Variants in PDCD4 observed in about 807,000 individuals in gnomAD.
The protein encoded by PDCD4 is programmed cell death 4, also known as programmed cell death protein 4.
PDCD4 carries 56 observed loss-of-function variants against 54.0 expected under a neutral mutation model. That is an observed-to-expected ratio of 1.04 (90% CI 0.84 to 1.30). The LOEUF (loss-of-function observed/expected upper bound fraction) is 1.30, where lower values mean the gene tolerates loss of function less well. PDCD4 is among the 50% of genes most tolerant of loss of function. PDCD4 has a pLI of 0.00. For synonymous variants in PDCD4, 186 were observed against 194.8 expected, an observed-to-expected ratio of 0.95 and a Z score of 0.37; for missense variants, 584 against 559.8, an observed-to-expected ratio of 1.04 and a Z score of -0.44.
In PDCD4 at chr10:110,875,951, C is replaced by G. The variant is rs1845497311; in HGVS notation, c.-62-15C>G. The G allele has an allele frequency of 1.7e-6, 2 of 1,166,910 alleles. No homozygotes were observed. Among genetic ancestry groups the G allele is most frequent in the African/African-American group, 1.6e-5 (1 of 62,150 alleles). 72.3% of individuals were successfully genotyped at this position (1,166,910 alleles called of 1,614,324 possible). A position where few individuals can be genotyped will look rare whatever the true frequency, so the allele number is the denominator to read the frequency against. ...AAAGATCTTGAAGCTTTCTTTTTTTCTTTTAAAAAAACAGATTCTGAAGGA... is the reference window on the plus strand; with the variant it reads ...AAAGATCTTGAAGCTTTCTTTTTTTGTTTTAAAAAAACAGATTCTGAAGGA... On this transcript the variant is annotated splice_polypyrimidine_tract_variant and intron_variant, in intron 1 of 11. Coordinates refer to ENST00000280154, the MANE Select transcript of PDCD4 (RefSeq NM_014456.5).
chr10:110,874,797 A>G (rs1382896301), intron 1 of PDCD4, among the ~76,000 whole-genome samples: 3 of 152,166 alleles, frequency 2.0e-5, no homozygotes, highest in African/African-American at 4.8e-5. Flanking sequence ...GTACATAATG[A>G]GGAATTTAAA....
chr10:110,894,934 A>G (rs1845809206), intron 10 of PDCD4, among the ~76,000 whole-genome samples: 1 of 151,802 alleles, frequency 6.6e-6, no homozygotes, highest in Admixed American at 6.6e-5. Context: ...TATTTTTTTA[A>G]AAAGGTAGTA....
chr10:110,881,166 C>G, intron 2 of PDCD4, 67 bp from the exon 3 acceptor site: 1 of 1,169,436 alleles, frequency 8.6e-7, no homozygotes. Context: ...TCTAACTTAC[C>G]ACTATATCTA....
intron 1 of PDCD4, among the ~76,000 whole-genome samples, chr10:110,874,967 G>C (rs1021511783): frequency 6.6e-5 from 10 of 151,978 alleles, no homozygotes; most frequent in Non-Finnish European, 8.8e-5. Context: ...TCTCTGAAGA[G>C]CACACTGCTA....
chr10:110,873,673 A>C (rs1052532922), intron 1 of PDCD4, among the ~76,000 whole-genome samples: 1 of 152,176 alleles, frequency 6.6e-6, no homozygotes, highest in African/African-American at 2.4e-5. Flanking sequence ...GTTTGGGCCA[A>C]TTAAGGGTTG....
chr10:110,885,971 G>T (rs1275494385), intron 5 of PDCD4, among the ~76,000 whole-genome samples: 1 of 152,168 alleles, frequency 6.6e-6, no homozygotes, highest in Non-Finnish European at 1.5e-5. Flanking sequence ...CTCTTTAGAA[G>T]ACTTTGATCA....
intron 2 of PDCD4, among the ~76,000 whole-genome samples, chr10:110,876,300 C>T (rs1845503508): frequency 6.6e-6 from 1 of 152,090 alleles, no homozygotes; most frequent in African/African-American, 2.4e-5. Context: ...CACTATGTTG[C>T]CTAGGCTGAA....
Position 110,890,675 on chromosome 10 carries a change from T to C in PDCD4, c.990+5T>C, listed in dbSNP as rs369669041. The C allele has an allele frequency of 6.5e-7, 1 of 1,533,922 alleles. No homozygotes were observed. Among genetic ancestry groups the C allele is most frequent in the Non-Finnish European group, 9.0e-7 (1 of 1,109,014 alleles). On this transcript the variant is annotated splice_donor_5th_base_variant and intron_variant, in intron 8 of 11. Transcript: ENST00000280154. Reference sequence around the variant, plus strand: ...GTCAATCACCTTGTTAAAGAGGTAATGATTGGGTATTGTTTTTAACTTAAT... The same window carrying C: ...GTCAATCACCTTGTTAAAGAGGTAACGATTGGGTATTGTTTTTAACTTAAT...
intron 4 of PDCD4, among the ~76,000 whole-genome samples, chr10:110,883,632 C>A (rs951239024): frequency 3.9e-5 from 6 of 152,062 alleles, no homozygotes; most frequent in Non-Finnish European, 8.8e-5. Flanking sequence ...AACTCATAGG[C>A]AGTCTTGTTT....
At chr10:110,875,869 C>T (rs1294940687) in intron 1 of PDCD4, 97 bp from the exon 2 acceptor site, 2 of 437,840 alleles carry the variant, frequency 4.6e-6, no homozygotes, top group Non-Finnish European at 4.0e-6. Context: ...TTGTTGTTGT[C>T]GTTTGTTTTT....
At chr10:110,897,541 TG>T (rs1329154964) in intron 11 of PDCD4, among the ~76,000 whole-genome samples, 1 of 152,222 alleles carries the variant, frequency 6.6e-6, no homozygotes, top group Non-Finnish European at 1.5e-5. Context: ...GGGCATAGGC[TG>T]TAATTCTGAT....
chr10:110,881,553 C>G lies in PDCD4; in HGVS notation c.346+18C>G. ...AAAGAAAGGTTGGTATATATCATGT[C>G]CAACAAATGGAAGATAAACAAGTGG... On this transcript the variant is annotated intron_variant, in intron 3 of 11. Transcript: ENST00000280154. 1.1e-5 allele frequency: 17 copies of G among 1,573,732 alleles called. No individual in the cohort carries two copies. Among genetic ancestry groups the G allele is most frequent in the Non-Finnish European group, 1.4e-5 (16 of 1,156,870 alleles).
intron 2 of PDCD4, among the ~76,000 whole-genome samples, chr10:110,877,232 A>G (rs1213294648): frequency 6.6e-6 from 1 of 152,222 alleles, no homozygotes; most frequent in East Asian, 1.9e-4. Flanking sequence ...TATTTTACAT[A>G]TAGGTAATTG....
In PDCD4 at chr10:110,885,311, CTT is replaced by C; in HGVS notation, c.502_503del (p.Leu168AsnfsTer9). On this transcript the variant is annotated frameshift_variant, in exon 5 of 12. Coordinates refer to ENST00000280154, the MANE Select transcript of PDCD4 (RefSeq NM_014456.5). LOFTEE classifies it high-confidence loss of function. ...TTGGATGAAAGGGCATTTGAGAAGA[CTT>C]TAACACCAATCATACAGGAATATTT... 1.9e-6 allele frequency: 3 copies of C among 1,601,296 alleles called. No homozygotes were observed. Among genetic ancestry groups the C allele is most frequent in the Non-Finnish European group, 2.6e-6 (3 of 1,170,354 alleles).
At position 110,881,586 on chromosome 10, in the gene PDCD4, TTGTC is replaced by T. The variant is rs762427345; in HGVS notation, c.346+54_346+57del. ...TGGAAGATAAACAAGTGGAAAAAAATTGTCTGGTTCTTGTACTACACTTTCCTTG... is the reference window on the plus strand; with the variant it reads ...TGGAAGATAAACAAGTGGAAAAAAATTGGTTCTTGTACTACACTTTCCTTG... On this transcript the variant is annotated intron_variant, in intron 3 of 11. Transcript: ENST00000280154. 6 of 1,498,170 alleles carry T rather than the reference TTGTC, an allele frequency of 4.0e-6. No homozygotes were observed. The East Asian group carries it at 1.1e-4, about 28-fold the overall frequency. 92.8% of individuals were successfully genotyped at this position (1,498,170 alleles called of 1,614,324 possible).
chr10:110,894,280 A>G, intron 9 of PDCD4, 82 bp downstream of exon 9: 1 of 929,918 alleles, frequency 1.1e-6, no homozygotes, highest in Middle Eastern at 2.1e-4. Context: ...TAAATAATGT[A>G]CATCCTTTTT....
At chr10:110,890,758 C>CAAAAATTAAGTTCGGTCTTACAGCTGCA (rs1845743082) in intron 8 of PDCD4, 88 bp downstream of exon 8, 1 of 706,012 alleles carries the variant, frequency 1.4e-6, no homozygotes, top group Non-Finnish European at 2.2e-6. Flanking sequence ...TTTTTATGGA[C>CAAAAATTAAGTTCGGTCTTACAGCTGCA]AAAAATTAAG....
intron 2 of PDCD4, chr10:110,876,735 G>A: frequency 7.6e-7 from 1 of 1,314,780 alleles, no homozygotes; most frequent in Non-Finnish European, 1.0e-6. Flanking sequence ...GAACAGTTTT[G>A]TGGAATAGAT....
intron 10 of PDCD4, among the ~76,000 whole-genome samples, chr10:110,895,218 CTT>C (rs1352230757): frequency 6.6e-6 from 1 of 152,006 alleles, no homozygotes; most frequent in African/African-American, 2.4e-5. Context: ...TTTTTCAACT[CTT>C]GTCCTCTTTC....
Sources: gnomAD v4.1 joint callset for allele counts (sites outside exome capture counted in the v4.1 genomes callset) on GRCh38, gnomAD v4.1.1 for gene constraint, MANE v1.5 for transcripts, NCBI Gene and HGNC (gene_info 2026-07-23, HGNC 2026-07-21) for gene names.